Variants in CSTF3 observed in about 807,000 individuals in gnomAD.
CSTF3 encodes CF-1 77 kDa subunit.
CSTF3 carries 29 observed loss-of-function variants against 105.8 expected under a neutral mutation model. The observed-to-expected ratio is 0.27, with a 90% CI of 0.20 to 0.37. The LOEUF is 0.37. CSTF3 is among the 10% of genes least tolerant of loss of function. The probability of loss-of-function intolerance (pLI) is 1.00; values close to 1 mark genes in which losing one functional copy is unlikely to be tolerated. For synonymous variants in CSTF3, 252 were observed against 281.9 expected (o/e 0.89, Z 1.06); for missense variants, 357 against 879.3 (o/e 0.41, Z 7.51).
intron 3 of CSTF3, among the ~76,000 whole-genome samples, chr11:33,131,437 T>G (rs2133792707): frequency 6.6e-6 from 1 of 152,266 alleles, no homozygotes; most frequent in Non-Finnish European, 1.5e-5. Context: ...TACTATATAT[T>G]AATAGCTATT....
chr11:33,118,745 T>A (rs1397361842), intron 3 of CSTF3, among the ~76,000 whole-genome samples: 1 of 97,960 alleles, frequency 1.0e-5, no homozygotes, highest in Non-Finnish European at 2.8e-5. Flanking sequence ...AAACCTCTGA[T>A]CTAAAAAAAA....
chr11:33,094,176 T>C (rs1462549440), intron 15 of CSTF3, among the ~76,000 whole-genome samples: 1 of 152,238 alleles, frequency 6.6e-6, no homozygotes, highest in African/African-American at 2.4e-5. Context: ...ACCCTCATCA[T>C]AACATTTATG....
intron 1 of CSTF3, among the ~76,000 whole-genome samples, chr11:33,152,956 C>T (rs1203760122): frequency 1.5e-5 from 2 of 133,658 alleles, no homozygotes; most frequent in Admixed American, 7.6e-5. Flanking sequence ...ACTCCGCCTC[C>T]AAAAAAAAAA....
chr11:33,109,380 G>A (rs144874461), intron 3 of CSTF3, among the ~76,000 whole-genome samples: 372 of 152,308 alleles, frequency 2.4e-3, no homozygotes, highest in African/African-American at 8.5e-3. Context: ...TACTGCAGGT[G>A]AGAATGCTGA....
intron 16 of CSTF3, among the ~76,000 whole-genome samples, chr11:33,091,396 C>CA (rs1855167462): frequency 6.6e-6 from 1 of 152,070 alleles, no homozygotes; most frequent in African/African-American, 2.4e-5. Flanking sequence ...GTGGCTATCA[C>CA]AAAAAATCCT....
At chr11:33,126,192 G>A (rs1282181157) in intron 3 of CSTF3, among the ~76,000 whole-genome samples, 1 of 152,152 alleles carries the variant, frequency 6.6e-6, no homozygotes, top group Non-Finnish European at 1.5e-5. Flanking sequence ...AGGCACAGTG[G>A]CTCATGCCTG....
chr11:33,129,577 T>C (rs1855577909), intron 3 of CSTF3, among the ~76,000 whole-genome samples: 2 of 152,168 alleles, frequency 1.3e-5, no homozygotes, highest in African/African-American at 4.8e-5. Flanking sequence ...TCCAGGCAAA[T>C]ACGTCAGTAG....
chr11:33,113,590 T>C (rs1260923322), intron 3 of CSTF3, among the ~76,000 whole-genome samples: 1 of 152,188 alleles, frequency 6.6e-6, no homozygotes, highest in Non-Finnish European at 1.5e-5. Context: ...GTCATACAAT[T>C]ACATTACCTT....
At position 33,099,290 on chromosome 11, in the gene CSTF3, C is replaced by G; in HGVS notation, c.937-140G>C. Reference sequence around the variant, plus strand: ...GTATGTACACACATATATATGTATCCACACACACACATACATAAACACATA... The same window carrying G: ...GTATGTACACACATATATATGTATCGACACACACACATACATAAACACATA... On this transcript the variant is annotated intron_variant, in intron 11 of 20. Transcript: ENST00000323959. The surrounding 1 kb of genome is among the most constrained non-coding windows in gnomAD (Gnocchi z 4.1). 3 of 988,470 alleles carry G rather than the reference C, an allele frequency of 3.0e-6. No homozygotes were observed. Among genetic ancestry groups the G allele is most frequent in the Non-Finnish European group, 4.3e-6 (3 of 697,008 alleles). The allele number at this position is 988,470 out of a possible 1,614,324, so 61.2% of individuals were successfully genotyped here.
intron 3 of CSTF3, among the ~76,000 whole-genome samples, chr11:33,112,863 A>T (rs1443356962): frequency 6.6e-6 from 1 of 152,172 alleles, no homozygotes; most frequent in African/African-American, 2.4e-5. Context: ...TCCTGCCATT[A>T]ATCAATAGAA....
At chr11:33,156,457 TTAA>T (rs1296886593) in intron 1 of CSTF3, among the ~76,000 whole-genome samples, 1 of 152,218 alleles carries the variant, frequency 6.6e-6, no homozygotes, top group Non-Finnish European at 1.5e-5. Context: ...TCTTTCCTTA[TTAA>T]TAATAAGTAT....
rs559544803 is a variant in CSTF3 at position 33,141,636 on chromosome 11, G to A, written c.225+31C>T. ...TCACTACAGTGAATGCTGCAATACT[G>A]ATATAAGAAAAAATAAAATAAAATA... On this transcript the variant is annotated intron_variant, in intron 3 of 20. Coordinates refer to ENST00000323959, the MANE Select transcript of CSTF3 (RefSeq NM_001326.3). 49 of 1,591,032 alleles carry A rather than the reference G, an allele frequency of 3.1e-5. No individual in the cohort carries two copies. The South Asian group carries it at 5.5e-4, about 18-fold the overall frequency.
chr11:33,153,357 T>C (rs921938741), intron 1 of CSTF3, among the ~76,000 whole-genome samples: 1 of 152,202 alleles, frequency 6.6e-6, no homozygotes, highest in African/African-American at 2.4e-5. Flanking sequence ...CTATGAGTTA[T>C]GCTTTATTGA....
intron 3 of CSTF3, among the ~76,000 whole-genome samples, chr11:33,118,476 G>T (rs449444): frequency 0.67 from 101,568 of 151,484 alleles, 34,337 homozygotes; most frequent in Non-Finnish European, 0.72. Flanking sequence ...CTGTAATTTT[G>T]GGGTAAGAAA....
chr11:33,149,333 C>T (rs961951896), intron 1 of CSTF3, among the ~76,000 whole-genome samples: 1 of 152,196 alleles, frequency 6.6e-6, no homozygotes, highest in African/African-American at 2.4e-5. Flanking sequence ...CATTAATTAA[C>T]AATGGAAGTT....
chr11:33,086,928 T>G, intron 18 of CSTF3, 60 bp downstream of exon 18: 5 of 1,599,962 alleles, frequency 3.1e-6, no homozygotes, highest in Non-Finnish European at 4.3e-6. Context: ...CCCCCACGCT[T>G]TGGATTTAAA....
intron 1 of CSTF3, among the ~76,000 whole-genome samples, chr11:33,153,449 G>A (rs556717942): frequency 1.4e-4 from 21 of 152,152 alleles, no homozygotes; most frequent in African/African-American, 5.1e-4. Context: ...GTGAAGAGGT[G>A]ACAGACACTA....
At chr11:33,120,029 G>T (rs1242670237) in intron 3 of CSTF3, among the ~76,000 whole-genome samples, 1 of 151,674 alleles carries the variant, frequency 6.6e-6, no homozygotes. Context: ...GATCACACCA[G>T]CAACAGCAAC....
rs147773863 is a variant in CSTF3 at position 33,084,601 on chromosome 11, AT to A, written c.*485del. On this transcript the variant is annotated 3_prime_UTR_variant, in exon 21 of 21. Coordinates refer to ENST00000323959, the MANE Select transcript of CSTF3 (RefSeq NM_001326.3). ...AAGCATGATGTTTCTGAATCCTTTTATTTTTTAAAGGACTTTTAAAATTTGA... is the reference window on the plus strand; with the variant it reads ...AAGCATGATGTTTCTGAATCCTTTTATTTTTAAAGGACTTTTAAAATTTGA... 6.4e-6 allele frequency: 1 copy of A among 156,452 alleles called. No individual in the cohort carries two copies. Among genetic ancestry groups the A allele is most frequent in the Non-Finnish European group, 1.4e-5 (1 of 70,292 alleles). The allele number at this position is 156,452 out of a possible 1,614,324, so 9.7% of individuals were successfully genotyped here.
Sources: allele counts gnomAD v4.1 joint callset (sites outside exome capture counted in the v4.1 genomes callset), GRCh38; gene constraint gnomAD v4.1.1; non-coding constraint Gnocchi (gnomAD v3.1); transcripts MANE v1.5; gene names NCBI Gene and HGNC (gene_info 2026-07-23, HGNC 2026-07-21).